The following GDAP2 variants were observed in gnomAD, a reference collection of about 807,000 sequenced individuals.
GDAP2 encodes ganglioside-induced differentiation-associated protein 2.
Under a neutral mutation model 67.0 loss-of-function variants are expected in GDAP2, and 51 were observed. The ratio of observed to expected loss-of-function variants is 0.76; its 90% CI spans 0.61 to 0.96. The LOEUF is 0.96. Ranked by LOEUF, GDAP2 falls within the 40% of genes least tolerant of loss-of-function variation. GDAP2 has a pLI of 0.00. For synonymous variants in GDAP2, 203 were observed against 207.3 expected, an observed-to-expected ratio of 0.98 and a Z score of 0.18; for missense variants, 547 against 588.3, an observed-to-expected ratio of 0.93 and a Z score of 0.73.
chr1:117,927,401 A>T (rs1650488956), intron 1 of GDAP2, among the ~76,000 whole-genome samples: 2 of 152,106 alleles, frequency 1.3e-5, no homozygotes, highest in Admixed American at 1.3e-4. Context: ...AAAGAAAATG[A>T]TATCATTTAA....
At position 117,899,366 on chromosome 1, in the gene GDAP2, A is replaced by C. The variant is rs1329859977; in HGVS notation, c.637-150T>G. ...TGAGCTCAGACTCGATACTGTCTGA[A>C]ACCCTCAATCAGCTTTTGTGTTAAA... is the stretch of plus-strand genomic sequence containing the variant. On this transcript the variant is annotated intron_variant, in intron 6 of 13. Transcript: ENST00000369443. 8.1e-6 allele frequency: 5 copies of C among 615,532 alleles called. No homozygotes were observed. The East Asian group carries it at 1.1e-4, about 13-fold the overall frequency. The allele number at this position is 615,532 out of a possible 1,614,324, so 38.1% of individuals were successfully genotyped here.
At chr1:117,878,720 C>T (rs1324978175) in intron 12 of GDAP2, among the ~76,000 whole-genome samples, 2 of 152,218 alleles carry the variant, frequency 1.3e-5, no homozygotes, top group East Asian at 3.9e-4. Context: ...ACATGCAATC[C>T]CTCTCTAAAA....
At chr1:117,894,823 A>C (rs1649213817) in intron 8 of GDAP2, among the ~76,000 whole-genome samples, 2 of 152,200 alleles carry the variant, frequency 1.3e-5, no homozygotes, top group Admixed American at 1.3e-4. Flanking sequence ...ATTTGTTGCC[A>C]ATGATAAAAC....
Position 117,896,993 on chromosome 1 carries a change from T to C in GDAP2, c.797-4A>G, listed in dbSNP as rs754357219. 6.3e-7 allele frequency: 1 copy of C among 1,591,686 alleles called. No individual in the cohort carries two copies. Among genetic ancestry groups the C allele is most frequent in the South Asian group, 1.1e-5 (1 of 88,400 alleles). ...TCATCCTCCTCTTCTTGGTTATCTG[T>C]AACAAAAATGCAACTATCAATAGAG... On this transcript the variant is annotated splice_polypyrimidine_tract_variant and splice_region_variant and intron_variant, in intron 7 of 13. Coordinates refer to ENST00000369443, the MANE Select transcript of GDAP2 (RefSeq NM_017686.4).
intron 8 of GDAP2, among the ~76,000 whole-genome samples, chr1:117,891,447 G>C (rs1253148657): frequency 6.6e-6 from 1 of 152,064 alleles, no homozygotes; most frequent in Non-Finnish European, 1.5e-5. Context: ...GCTACTATTA[G>C]ATGTTTTAGT....
At chr1:117,892,346 T>A (rs1176922938) in intron 8 of GDAP2, among the ~76,000 whole-genome samples, 1 of 152,154 alleles carries the variant, frequency 6.6e-6, no homozygotes, top group African/African-American at 2.4e-5. Context: ...ATGTTTTCTA[T>A]TACATTTCTT....
At chr1:117,875,929 T>C (rs1648438981) in intron 13 of GDAP2, among the ~76,000 whole-genome samples, 2 of 152,184 alleles carry the variant, frequency 1.3e-5, no homozygotes, top group South Asian at 4.1e-4. Context: ...GTGAGGAACT[T>C]GCCTTGAGTC....
At chr1:117,882,013 A>G in intron 11 of GDAP2, 136 bp from the exon 12 acceptor site, 1 of 578,016 alleles carries the variant, frequency 1.7e-6, no homozygotes, top group South Asian at 2.5e-5. Flanking sequence ...TAATTTACAG[A>G]TTGAATTTTA....
chr1:117,880,484 G>A (rs1012643868), intron 12 of GDAP2, among the ~76,000 whole-genome samples: 5 of 152,200 alleles, frequency 3.3e-5, no homozygotes, highest in African/African-American at 9.6e-5. Context: ...TGGAGATGGT[G>A]AGCATAGAAC....
At chr1:117,903,591 T>C (rs116477736) in intron 6 of GDAP2, among the ~76,000 whole-genome samples, 1 of 151,984 alleles carries the variant, frequency 6.6e-6, no homozygotes, top group African/African-American at 2.4e-5. Flanking sequence ...GATTCTTGTA[T>C]GTTGAATTAA....
At position 117,866,124 on chromosome 1, in the gene GDAP2, T is replaced by C. The variant is rs1437032121; in HGVS notation, c.*4445A>G. ...TCCTCCTCGTCTGCAAATTCATATG[T>C]TGAAGCCCTAACATACAAAGTGATG... On this transcript the variant is annotated 3_prime_UTR_variant, in exon 14 of 14. Transcript: ENST00000369443. The C allele has an allele frequency of 1.3e-5, 2 of 152,250 alleles. No individual in the cohort carries two copies. The highest frequency in any genetic ancestry group is 2.1e-4 in the South Asian group (1 of 4,834). The allele number at this position is 152,250 out of a possible 1,614,324, so 9.4% of individuals were successfully genotyped here. A position where few individuals can be genotyped will look rare whatever the true frequency, so the allele number is the denominator to read the frequency against.
chr1:117,909,851 G>A (rs566973854), intron 5 of GDAP2, among the ~76,000 whole-genome samples: 6 of 152,242 alleles, frequency 3.9e-5, no homozygotes, highest in African/African-American at 1.2e-4. Context: ...TGGACTGGTA[G>A]AATTAGAACT....
chr1:117,906,014 G>A (rs1649644500), intron 6 of GDAP2, among the ~76,000 whole-genome samples: 4 of 152,264 alleles, frequency 2.6e-5, no homozygotes, highest in Admixed American at 2.0e-4. Context: ...AAAATAAAGT[G>A]TAATGAGATA....
chr1:117,906,982 G>C (rs1322469995), intron 5 of GDAP2, among the ~76,000 whole-genome samples: 1 of 151,956 alleles, frequency 6.6e-6, no homozygotes, highest in Non-Finnish European at 1.5e-5. Context: ...TTATTCCCTG[G>C]GGCCTCTCTC....
chr1:117,909,401 G>A (rs182693933), intron 5 of GDAP2, among the ~76,000 whole-genome samples: 116 of 152,188 alleles, frequency 7.6e-4, no homozygotes, highest in Admixed American at 2.2e-3. Context: ...AAAAAAGCAC[G>A]TGTCTTAATA....
intron 12 of GDAP2, among the ~76,000 whole-genome samples, chr1:117,880,760 T>C (rs1030040740): frequency 6.6e-6 from 1 of 152,216 alleles, no homozygotes; most frequent in African/African-American, 2.4e-5. Context: ...TTCCCTTACC[T>C]GTATGGTGGG....
intron 5 of GDAP2, among the ~76,000 whole-genome samples, chr1:117,909,617 T>C (rs1455949127): frequency 6.6e-6 from 1 of 152,202 alleles, no homozygotes; most frequent in South Asian, 2.1e-4. Context: ...GTGTAAGTGT[T>C]TGAATGAAAT....
chr1:117,901,691 T>A (rs1168342770), intron 6 of GDAP2, among the ~76,000 whole-genome samples: 1 of 133,834 alleles, frequency 7.5e-6, no homozygotes, highest in Non-Finnish European at 1.5e-5. Flanking sequence ...TTATGTTTAA[T>A]TTTTTTTTTC....
chr1:117,907,880 G>A (rs181304347), intron 5 of GDAP2, among the ~76,000 whole-genome samples: 140 of 152,176 alleles, frequency 9.2e-4, no homozygotes, highest in Non-Finnish European at 1.5e-3. Flanking sequence ...CTACTTACAG[G>A]TTAAGATTCA....
Sources: gnomAD v4.1 joint callset for allele counts (sites outside exome capture counted in the v4.1 genomes callset) on GRCh38, gnomAD v4.1.1 for gene constraint, MANE v1.5 for transcripts, NCBI Gene and HGNC (gene_info 2026-07-23, HGNC 2026-07-21) for gene names.